The following MVD variants were observed in gnomAD, a reference collection of about 807,000 sequenced individuals.
MVD encodes the protein mevalonate diphosphate decarboxylase.
A neutral mutation model predicts 42.4 loss-of-function variants in MVD; 52 were observed. The observed-to-expected ratio is 1.23, with a 90% CI of 0.98 to 1.55. The LOEUF is 1.55. Among genes scored for constraint, MVD ranks in the 40% most tolerant of loss-of-function variants. MVD has a pLI of 0.00. For synonymous variants in MVD, 287 were observed against 243.2 expected, an observed-to-expected ratio of 1.18 and a Z score of -1.68; for missense variants, 663 against 572.1, an observed-to-expected ratio of 1.16 and a Z score of -1.62.
chr16:88,653,269 C>T, intron 9 of MVD, 31 bp downstream of exon 9: 7 of 1,569,410 alleles, frequency 4.5e-6, no homozygotes, highest in Non-Finnish European at 6.0e-6. Flanking sequence ...GAAAGGAAAC[C>T]CCGGGGTACT....
At chr16:88,658,476 G>A (rs535895563) in intron 2 of MVD, among the ~76,000 whole-genome samples, 174 bp downstream of exon 2, 1 of 152,020 alleles carries the variant, frequency 6.6e-6, no homozygotes, top group Non-Finnish European at 1.5e-5. Flanking sequence ...TGTCACCCAG[G>A]CTGGAGTGCA....
intron 1 of MVD, among the ~76,000 whole-genome samples, chr16:88,661,825 A>G (rs1908309766): frequency 6.9e-6 from 1 of 144,616 alleles, no homozygotes; most frequent in African/African-American, 2.6e-5. Context: ...ACTCTGAAAA[A>G]CAATTAGACA....
chr16:88,657,670 C>T (rs1567616451), intron 3 of MVD, 88 bp from the exon 4 acceptor site: 1 of 1,542,102 alleles, frequency 6.5e-7, no homozygotes, highest in East Asian at 2.3e-5. Context: ...CACAGCTGAA[C>T]ACCAGGCCTC....
intron 1 of MVD, 107 bp from the exon 2 acceptor site, chr16:88,658,827 T>A: frequency 1.4e-6 from 1 of 701,590 alleles, no homozygotes; most frequent in Non-Finnish European, 2.2e-6. Flanking sequence ...TCCGCCTCAG[T>A]CCCGTCTCTC....
At chr16:88,662,969 G>C (rs1391787339) in intron 1 of MVD, 42 bp downstream of exon 1, 1 of 1,574,018 alleles carries the variant, frequency 6.4e-7, no homozygotes. Context: ...ACCCGGCCTC[G>C]CTCCCGGCCA....
chr16:88,659,152 G>C, intron 1 of MVD: 1 of 185,078 alleles, frequency 5.4e-6, no homozygotes, highest in Non-Finnish European at 1.2e-5. Context: ...GGGACAGCAC[G>C]TGAAATCAAA....
intron 2 of MVD, 62 bp from the exon 3 acceptor site, chr16:88,658,091 C>G (rs1908057274): frequency 6.6e-7 from 1 of 1,510,120 alleles, no homozygotes; most frequent in South Asian, 1.1e-5. Context: ...CAGCCAGGTA[C>G]CCCTTTCTAC....
chr16:88,655,031 A>G, intron 7 of MVD, 168 bp downstream of exon 7: 1 of 984,452 alleles, frequency 1.0e-6, no homozygotes, highest in Non-Finnish European at 1.5e-6. Flanking sequence ...TCAAGAAACA[A>G]AATGAAACAG....
chr16:88,656,794 C>T (rs937157001), intron 4 of MVD: 1 of 254,114 alleles, frequency 3.9e-6, no homozygotes, highest in African/African-American at 2.3e-5. Flanking sequence ...TGGTCACCCA[C>T]CCTGGTCACC....
At chr16:88,655,841 G>A in intron 5 of MVD, 111 bp from the exon 6 acceptor site, 1 of 1,319,282 alleles carries the variant, frequency 7.6e-7, no homozygotes, top group Non-Finnish European at 1.0e-6. Flanking sequence ...GGGGGTGGGA[G>A]TCAGTGCCAC....
chr16:88,652,488 C>T lies in MVD; in HGVS notation c.*37G>A. 1 of 1,550,716 alleles carries T rather than the reference C, an allele frequency of 6.4e-7. No individual in the cohort carries two copies. The highest frequency in any genetic ancestry group is 1.4e-5 in the African/African-American group (1 of 73,214). On this transcript the variant is annotated 3_prime_UTR_variant, in exon 10 of 10. Coordinates refer to ENST00000301012, the MANE Select transcript of MVD (RefSeq NM_002461.3). ...CGCTCCCTAGCTCCGGCGAGGCCACCCCTTCTCCAAGCGGCATGCGGTCCC... is the reference window on the plus strand; with the variant it reads ...CGCTCCCTAGCTCCGGCGAGGCCACTCCTTCTCCAAGCGGCATGCGGTCCC...
At chr16:88,660,696 A>C (rs1908236115) in intron 1 of MVD, 2 of 149,694 alleles carry the variant, frequency 1.3e-5, no homozygotes, top group African/African-American at 4.9e-5. Context: ...ATAAATATAA[A>C]ATAAATAAAT....
chr16:88,655,546 G>A (rs1008897747), intron 6 of MVD, 110 bp downstream of exon 6: 1 of 1,511,736 alleles, frequency 6.6e-7, no homozygotes. Context: ...ACGTGGTCTT[G>A]GCGGGGCTGC....
At position 88,652,501 on chromosome 16, in the gene MVD, G is replaced by A. The variant is rs148379727; in HGVS notation, c.*24C>T. 2,555 of 1,555,636 alleles carry A rather than the reference G, an allele frequency of 1.6e-3. 35 individuals carry two copies. The African/African-American group carries it at 0.03, about 18-fold the overall frequency. ...CGGCGAGGCCACCCCTTCTCCAAGCGGCATGCGGTCCCTGCTGAGGCAGTC... is the reference window on the plus strand; with the variant it reads ...CGGCGAGGCCACCCCTTCTCCAAGCAGCATGCGGTCCCTGCTGAGGCAGTC... On this transcript the variant is annotated 3_prime_UTR_variant, in exon 10 of 10. Transcript: ENST00000301012.
intron 8 of MVD, 25 bp downstream of exon 8, chr16:88,654,664 AAGG>A (rs1567613776): frequency 1.3e-6 from 2 of 1,577,612 alleles, no homozygotes; most frequent in Non-Finnish European, 1.7e-6. Flanking sequence ...ATCTCCCAAA[AAGG>A]AGGAGGGGCG....
At chr16:88,654,891 G>T in intron 7 of MVD, 84 bp from the exon 8 acceptor site, 2 of 1,348,342 alleles carry the variant, frequency 1.5e-6, no homozygotes, top group Non-Finnish European at 1.0e-6. Context: ...AGGCGGCCTT[G>T]GGCTCTCCAA....
At chr16:88,662,571 G>A (rs2142917571) in intron 1 of MVD, 3 of 804,422 alleles carry the variant, frequency 3.7e-6, no homozygotes, top group South Asian at 4.0e-5. Context: ...GCGAGGGAGG[G>A]ACACAGGGTC....
chr16:88,658,368 C>T (rs1908076055), intron 2 of MVD, among the ~76,000 whole-genome samples: 1 of 152,194 alleles, frequency 6.6e-6, no homozygotes, highest in South Asian at 2.1e-4. Context: ...GGAACAGACA[C>T]TGCGTGCTGG....
At chr16:88,656,564 G>A (rs931235984) in intron 4 of MVD, 8 of 566,986 alleles carry the variant, frequency 1.4e-5, no homozygotes, top group Non-Finnish European at 2.2e-5. Context: ...AAAGGTACCT[G>A]CGGCAGAGCA....
Sources: gnomAD v4.1 joint callset for allele counts (sites outside exome capture counted in the v4.1 genomes callset) on GRCh38, gnomAD v4.1.1 for gene constraint, MANE v1.5 for transcripts, NCBI Gene and HGNC (gene_info 2026-07-23, HGNC 2026-07-21) for gene names.